DLG1: variants seen among roughly 807,000 people sequenced by gnomAD.
DLG1 encodes discs large MAGUK scaffold protein 1, also known as disks large homolog 1.
A neutral mutation model predicts 123.4 loss-of-function variants in DLG1; 42 were observed. The observed-to-expected ratio is 0.34, with a 90% CI of 0.27 to 0.44. The LOEUF is 0.44. DLG1 is among the 20% of genes least tolerant of loss of function. The probability of loss-of-function intolerance (pLI) is 1.00; values close to 1 mark genes in which losing one functional copy is unlikely to be tolerated. For missense variants in DLG1, 942 were observed against 1,082.6 expected, an observed-to-expected ratio of 0.87 and a Z score of 1.82; for synonymous variants, 317 against 356.2, an observed-to-expected ratio of 0.89 and a Z score of 1.24.
intron 13 of DLG1, among the ~76,000 whole-genome samples, chr3:197,106,832 CT>C (rs901393448): frequency 5.9e-5 from 9 of 152,106 alleles, no homozygotes; most frequent in Admixed American, 3.3e-4. Context: ...CTTAGAGTCA[CT>C]TTTTTTCTTT....
intron 24 of DLG1, among the ~76,000 whole-genome samples, chr3:197,046,361 G>A (rs1723047917): frequency 6.6e-6 from 1 of 152,128 alleles, no homozygotes; most frequent in Admixed American, 6.6e-5. Flanking sequence ...TAGTAAACCA[G>A]GGAAACTGGG....
At chr3:197,182,720 G>A (rs1019463027) in intron 5 of DLG1, among the ~76,000 whole-genome samples, 4 of 151,636 alleles carry the variant, frequency 2.6e-5, no homozygotes, top group Non-Finnish European at 4.4e-5. Flanking sequence ...ACCATTTCTC[G>A]TCCTTTTATT....
chr3:197,065,956 C>A, intron 20 of DLG1, 147 bp from the exon 21 acceptor site: 1 of 541,128 alleles, frequency 1.8e-6, no homozygotes. Flanking sequence ...ACCAAAGATG[C>A]GTAACTTGCT....
Position 197,227,423 on chromosome 3 carries a change from C to T in DLG1, c.319-32834G>A, listed in dbSNP as rs543564335. ...CTGGGAGATGGAAGTTGCAGTGAAC[C>T]GAGATTGCGCCACTGCACTCCAGCC... On this transcript the variant is annotated intron_variant, in intron 4 of 24. Transcript: ENST00000667157. Among the ~76,000 whole-genome samples, 491 of 151,772 alleles carry T rather than the reference C, an allele frequency of 3.2e-3. 1 individual carries two copies. The highest frequency in any genetic ancestry group is 0.011 in the African/African-American group (457 of 41,372).
At chr3:197,050,169 C>T (rs541518292) in intron 24 of DLG1, among the ~76,000 whole-genome samples, 2 of 152,126 alleles carry the variant, frequency 1.3e-5, no homozygotes, top group African/African-American at 4.8e-5. Context: ...AGATCAAGAC[C>T]GTCCTGGCTA....
intron 4 of DLG1, among the ~76,000 whole-genome samples, chr3:197,252,958 C>T (rs1267149269): frequency 6.6e-6 from 1 of 151,690 alleles, no homozygotes; most frequent in East Asian, 1.9e-4. Context: ...AATACTAACC[C>T]AAAATGGATT....
At chr3:197,198,141 A>G (rs544399318) in intron 4 of DLG1, among the ~76,000 whole-genome samples, 5 of 58,724 alleles carry the variant, frequency 8.5e-5, no homozygotes, top group African/African-American at 2.8e-4. Context: ...AACAAAACAA[A>G]ACAAACAAAA....
intron 22 of DLG1, among the ~76,000 whole-genome samples, chr3:197,062,688 G>A (rs1736675399): frequency 6.6e-6 from 1 of 152,070 alleles, no homozygotes; most frequent in African/African-American, 2.4e-5. Flanking sequence ...AGGAGTCCTG[G>A]ATCTTTTAAT....
At chr3:197,182,244 G>C (rs986650112) in intron 5 of DLG1, among the ~76,000 whole-genome samples, 1 of 151,932 alleles carries the variant, frequency 6.6e-6, no homozygotes, top group Non-Finnish European at 1.5e-5. Context: ...GCATCCTTTC[G>C]TGATATATGT....
intron 5 of DLG1, among the ~76,000 whole-genome samples, chr3:197,189,621 A>G (rs936770521): frequency 2.0e-5 from 3 of 152,212 alleles, no homozygotes; most frequent in Non-Finnish European, 4.4e-5. Flanking sequence ...ATTGTTTCAG[A>G]GACTGATCCT....
chr3:197,125,194 G>C (rs1313048546), intron 11 of DLG1, among the ~76,000 whole-genome samples: 1 of 152,136 alleles, frequency 6.6e-6, no homozygotes, highest in Admixed American at 6.5e-5. Context: ...ATAGTAGATG[G>C]CAAGTGAAGG....
chr3:197,273,765 A>T (rs564032538), intron 4 of DLG1, among the ~76,000 whole-genome samples: 5 of 150,552 alleles, frequency 3.3e-5, no homozygotes, highest in African/African-American at 4.9e-5. Context: ...AAATTAACAT[A>T]AAAAAATCAG....
At chr3:197,222,629 A>G (rs921279898) in intron 4 of DLG1, among the ~76,000 whole-genome samples, 8 of 152,170 alleles carry the variant, frequency 5.3e-5, no homozygotes, top group African/African-American at 1.9e-4. Flanking sequence ...CCCTGAAGCT[A>G]CTTGTATCCC....
intron 22 of DLG1, among the ~76,000 whole-genome samples, chr3:197,062,691 C>G (rs1206220049): frequency 6.6e-6 from 1 of 152,120 alleles, no homozygotes; most frequent in East Asian, 1.9e-4. Flanking sequence ...AGTCCTGGAT[C>G]TTTTAATTAA....
In DLG1 at chr3:197,130,502, AGCAAACGTAT is replaced by A. The variant is rs1346273356; in HGVS notation, c.1165+15_1165+24del. 6.5e-7 allele frequency: 1 copy of A among 1,537,604 alleles called. No homozygotes were observed. Among genetic ancestry groups the A allele is most frequent in the African/African-American group, 1.4e-5 (1 of 72,760 alleles). On this transcript the variant is annotated intron_variant, in intron 11 of 24. Coordinates refer to ENST00000667157, the MANE Select transcript of DLG1 (RefSeq NM_001366207.1). ...CAACTGAAGAAGTAAGATAAATTTA[AGCAAACGTAT>A]GCTAACAGACTTACAGTTGGTGATA...
chr3:197,126,643 G>A (rs1458104729), intron 11 of DLG1, among the ~76,000 whole-genome samples: 1 of 152,160 alleles, frequency 6.6e-6, no homozygotes, highest in Non-Finnish European at 1.5e-5. Flanking sequence ...AAGTTTATGT[G>A]CTAGAGGAAG....
chr3:197,146,372 T>C (rs968073222), intron 6 of DLG1, among the ~76,000 whole-genome samples: 1 of 152,102 alleles, frequency 6.6e-6, no homozygotes, highest in Admixed American at 6.5e-5. Context: ...GGAACAAATC[T>C]GGAGGCATCA....
At position 197,111,597 on chromosome 3, in the gene DLG1, G is replaced by A. The variant is rs542690232; in HGVS notation, c.1443+4330C>T. ...ATGTAGAAATTTGAACAGCTCAGCT[G>A]AAAGGATTTTGCTAACCATAAAAAT... On this transcript the variant is annotated intron_variant, in intron 13 of 24. Coordinates refer to ENST00000667157, the MANE Select transcript of DLG1 (RefSeq NM_001366207.1). Among the ~76,000 whole-genome samples the A allele has an allele frequency of 1.2e-4, 18 of 152,248 alleles. No individual in the cohort carries two copies. The South Asian group carries it at 3.7e-3, about 32-fold the overall frequency.
Position 197,258,648 on chromosome 3 carries a change from C to T in DLG1, c.318+24031G>A, listed in dbSNP as rs371282251. Among the ~76,000 whole-genome samples, 12 of 152,222 alleles carry T rather than the reference C, an allele frequency of 7.9e-5. No homozygotes were observed. The East Asian group carries it at 9.6e-4, about 12-fold the overall frequency. On this transcript the variant is annotated intron_variant, in intron 4 of 24. Coordinates refer to ENST00000667157, the MANE Select transcript of DLG1 (RefSeq NM_001366207.1). ...AAATTACATCAACTACACTGTCAGA[C>T]TTTTAAAACACATATAGAATCACAA...
Sources: allele counts gnomAD v4.1 joint callset (sites outside exome capture counted in the v4.1 genomes callset), GRCh38; gene constraint gnomAD v4.1.1; transcripts MANE v1.5; gene names NCBI Gene and HGNC (gene_info 2026-07-23, HGNC 2026-07-21).